The following RTTN variants were observed in gnomAD, a reference collection of about 807,000 sequenced individuals.
The protein encoded by RTTN is rotatin.
In RTTN, 182 loss-of-function variants were observed where a neutral mutation model predicts 269.2. The ratio of observed to expected loss-of-function variants is 0.68; its 90% CI spans 0.60 to 0.76. The LOEUF is 0.76. Among genes scored for constraint, RTTN ranks in the 30% least tolerant of loss-of-function variants. RTTN has a pLI of 0.00. For synonymous variants in RTTN, 1,006 were observed against 963.5 expected, an observed-to-expected ratio of 1.04 and a Z score of -0.82; for missense variants, 2,545 against 2,608.6, an observed-to-expected ratio of 0.98 and a Z score of 0.53.
chr18:70,204,138 A>T lies in RTTN; in HGVS notation c.345T>A (p.Leu115=). The T allele has an allele frequency of 6.2e-7, 1 of 1,614,110 alleles. No homozygotes were observed. The highest frequency in any genetic ancestry group is 8.5e-7 in the Non-Finnish European group (1 of 1,179,966). ...AAGATAGTGCAGGAACTTCCGAAGG[A>T]AGAAGAAAAAGTCCATCCAGAATGC... is the stretch of plus-strand genomic sequence containing the variant. The part of the protein sequence containing the change: ...IDGILDGLFL[L]PSEVPALSSA... Residue 115 remains leucine, a synonymous_variant, in exon 3 of 49, where the codon CTT becomes CTA. Transcript: ENST00000640769.
intron 32 of RTTN, among the ~76,000 whole-genome samples, chr18:70,082,591 A>C (rs1307355551): frequency 6.6e-6 from 1 of 152,218 alleles, no homozygotes; most frequent in African/African-American, 2.4e-5. Context: ...AGACTGTGGG[A>C]AACTGGTCTG....
chr18:70,168,820 A>G, intron 12 of RTTN, 35 bp downstream of exon 12: 1 of 1,449,666 alleles, frequency 6.9e-7, no homozygotes, highest in Non-Finnish European at 9.5e-7. Context: ...AATATGTCAA[A>G]GGGATTTAAA....
At chr18:70,196,701 C>T (rs1193398636) in intron 6 of RTTN, 53 bp from the exon 7 acceptor site, 8 of 1,542,304 alleles carry the variant, frequency 5.2e-6, no homozygotes, top group African/African-American at 1.4e-5. Context: ...AGCTCAACTT[C>T]AAAGCAGAAT....
chr18:70,165,998 G>C (rs962937288), intron 14 of RTTN, 64 bp downstream of exon 14: 26 of 1,515,364 alleles, frequency 1.7e-5, no homozygotes, highest in Non-Finnish European at 2.4e-5. Context: ...TAAGTTTGAA[G>C]GTATAACAAG....
Position 70,166,169 on chromosome 18 carries a change from T to C in RTTN, c.1822A>G (p.Ser608Gly), listed in dbSNP as rs1418543124. Residue 608 changes from serine to glycine, a missense_variant, in exon 14 of 49, where the codon AGT becomes GGT. Coordinates refer to ENST00000640769, the MANE Select transcript of RTTN (RefSeq NM_173630.4). ...TGACTTTCTCCTTGTAGTAATGGAC[T>C]GGCCTGAGCAGATTTCCAGCTGGTG... ...CSKIWKSAQA[S>G]PLLQGESQKV... 1.2e-6 allele frequency: 2 copies of C among 1,612,230 alleles called. No homozygotes were observed. Among genetic ancestry groups the C allele is most frequent in the South Asian group, 1.1e-5 (1 of 90,818 alleles).
At chr18:70,203,378 T>C (rs1192963197) in intron 3 of RTTN, among the ~76,000 whole-genome samples, 1 of 152,122 alleles carries the variant, frequency 6.6e-6, no homozygotes, top group East Asian at 1.9e-4. Context: ...AATTTTTGTA[T>C]TGTATTTTTA....
At chr18:70,089,457 C>T (rs1362816798) in intron 30 of RTTN, among the ~76,000 whole-genome samples, 2 of 152,140 alleles carry the variant, frequency 1.3e-5, no homozygotes, top group Non-Finnish European at 2.9e-5. Flanking sequence ...GTTTTTAAGC[C>T]ACCCAGACAA....
At chr18:70,194,540 T>A (rs2061755936) in intron 7 of RTTN, 1 of 152,238 alleles carries the variant, frequency 6.6e-6, no homozygotes, top group South Asian at 2.1e-4. Context: ...AACCGCCAAA[T>A]GTGGGTACAA....
chr18:70,183,512 A>T (rs2061465227), intron 10 of RTTN, among the ~76,000 whole-genome samples: 1 of 152,208 alleles, frequency 6.6e-6, no homozygotes, highest in Non-Finnish European at 1.5e-5. Flanking sequence ...CATTCAATAG[A>T]GGTCCCAAAG....
At chr18:70,184,180 G>A (rs1292880329) in intron 10 of RTTN, among the ~76,000 whole-genome samples, 2 of 152,174 alleles carry the variant, frequency 1.3e-5, no homozygotes, top group African/African-American at 4.8e-5. Flanking sequence ...GTCAGCCAGT[G>A]GACAAGACCC....
chr18:70,178,089 G>A (rs541792528), intron 10 of RTTN, among the ~76,000 whole-genome samples: 25 of 152,098 alleles, frequency 1.6e-4, no homozygotes, highest in Non-Finnish European at 2.6e-4. Context: ...GTATATACAT[G>A]CAAGAAAAGG....
Position 70,201,931 on chromosome 18 carries a change from AC to A in RTTN, c.449del (p.Ser150IlefsTer14), listed in dbSNP as rs747538022. Reference protein sequence around the residue: ...ILTGYFPQDKSNFQQMEVPPR... With the variant: ...ILTGYFPQDKXNFQQMEVPPR... ...GCGGCACTTCCATCTGCTGGAAATT[AC>A]TTTTGTCTTGGGGAAAATATCCTGT... On this transcript the variant is annotated frameshift_variant, in exon 4 of 49. Transcript: ENST00000640769. LOFTEE classifies it high-confidence loss of function. The A allele has an allele frequency of 1.2e-6, 2 of 1,612,600 alleles. No homozygotes were observed. Among genetic ancestry groups the A allele is most frequent in the Non-Finnish European group, 8.5e-7 (1 of 1,178,780 alleles).
At chr18:70,177,627 C>A (rs1056512913) in intron 10 of RTTN, among the ~76,000 whole-genome samples, 1 of 151,308 alleles carries the variant, frequency 6.6e-6, no homozygotes, top group Non-Finnish European at 1.5e-5. Flanking sequence ...AAAAAAAAAA[C>A]TGAAGTACTT....
At chr18:70,108,075 G>A (rs956707246) in intron 28 of RTTN, among the ~76,000 whole-genome samples, 4 of 152,056 alleles carry the variant, frequency 2.6e-5, no homozygotes, top group Non-Finnish European at 4.4e-5. Context: ...TCAGGAGTTC[G>A]ACACCAGCCT....
At chr18:70,075,305 A>G (rs749236180) in intron 33 of RTTN, 47 bp downstream of exon 33, 42 of 1,309,374 alleles carry the variant, frequency 3.2e-5, no homozygotes, top group Non-Finnish European at 2.1e-5. Flanking sequence ...AACAGTTTTT[A>G]CAAGTTACAT....
rs138397934 is a variant in RTTN at position 70,164,974 on chromosome 18, T to C, written c.1929+1088A>G. Among the ~76,000 whole-genome samples the C allele has an allele frequency of 7.8e-3, 1,193 of 152,284 alleles. 5 individuals carry two copies. The highest frequency in any genetic ancestry group is 0.012 in the Non-Finnish European group (848 of 68,020). On this transcript the variant is annotated intron_variant, in intron 14 of 48. Transcript: ENST00000640769. ...CTGATATCAGACTTCTCAACAATGA[T>C]AGAAGCCGAATAAGAATTAAGCAAT... is the stretch of plus-strand genomic sequence containing the variant.
At chr18:70,191,183 G>A (rs2048032040) in intron 8 of RTTN, among the ~76,000 whole-genome samples, 1 of 149,222 alleles carries the variant, frequency 6.7e-6, no homozygotes, top group African/African-American at 2.5e-5. Context: ...GACAGAGCAA[G>A]ACTCCATCTC....
At chr18:70,132,881 T>C (rs2060032077) in intron 23 of RTTN, among the ~76,000 whole-genome samples, 1 of 152,102 alleles carries the variant, frequency 6.6e-6, no homozygotes, top group African/African-American at 2.4e-5. Context: ...ATAAAACCCT[T>C]TCTCCTCTTT....
At chr18:70,043,944 A>C (rs539906019) in intron 40 of RTTN, among the ~76,000 whole-genome samples, 3 of 152,362 alleles carry the variant, frequency 2.0e-5, no homozygotes, top group African/African-American at 7.2e-5. Context: ...AACTCAAGCA[A>C]CAGATAACTA....
Sources: gnomAD v4.1 joint callset for allele counts (sites outside exome capture counted in the v4.1 genomes callset) on GRCh38, gnomAD v4.1.1 for gene constraint, MANE v1.5 for transcripts, NCBI Gene and HGNC (gene_info 2026-07-23, HGNC 2026-07-21) for gene names.